AKAP19: variants seen among roughly 807,000 people sequenced by gnomAD.
The protein encoded by AKAP19 is A-kinase anchoring protein 19, also known as small A-kinase anchoring protein.
At chr2:190,058,122 G>C in the AKAP19 span, among the ~76,000 whole-genome samples, 1 of 152,006 alleles carries the variant, frequency 6.6e-6, no homozygotes, top group Admixed American at 6.6e-5. Flanking sequence ...GGAAAACTTG[G>C]ACAATAAAAC....
chr2:190,016,583 A>G, the AKAP19 span, among the ~76,000 whole-genome samples: 1 of 152,212 alleles, frequency 6.6e-6, no homozygotes, highest in South Asian at 2.1e-4. Flanking sequence ...TAATTCCTAC[A>G]TATCTGTGAA....
chr2:190,171,561 C>CCTTG, the AKAP19 span, among the ~76,000 whole-genome samples: 1 of 152,164 alleles, frequency 6.6e-6, no homozygotes, highest in African/African-American at 2.4e-5. Flanking sequence ...AATAACCTTA[C>CCTTG]CTTGCTTTAC....
At chr2:189,885,389 A>C in the AKAP19 span, among the ~76,000 whole-genome samples, 1 of 152,210 alleles carries the variant, frequency 6.6e-6, no homozygotes, top group Non-Finnish European at 1.5e-5. Context: ...TGTGTGGAGA[A>C]AGAGATATTT....
At chr2:189,894,060 T>G in the AKAP19 span, among the ~76,000 whole-genome samples, 1 of 152,182 alleles carries the variant, frequency 6.6e-6, no homozygotes, top group Non-Finnish European at 1.5e-5. Flanking sequence ...AGGGTCTGGC[T>G]TCAATAAAAA....
the AKAP19 span, among the ~76,000 whole-genome samples, chr2:189,966,831 T>C: frequency 6.6e-6 from 1 of 152,182 alleles, no homozygotes; most frequent in Non-Finnish European, 1.5e-5. Flanking sequence ...TATGTGAATC[T>C]ATAATTATCT....
At chr2:190,119,475 G>C in the AKAP19 span, among the ~76,000 whole-genome samples, 1 of 152,332 alleles carries the variant, frequency 6.6e-6, no homozygotes, top group Non-Finnish European at 1.5e-5. Flanking sequence ...GGCACTATGA[G>C]TTCTGCACAC....
At chr2:190,009,649 A>G in the AKAP19 span, among the ~76,000 whole-genome samples, 1 of 152,192 alleles carries the variant, frequency 6.6e-6, no homozygotes, top group Admixed American at 6.5e-5. Flanking sequence ...AGACATTTGG[A>G]TAATCAAGTC....
At chr2:190,130,630 A>G in the AKAP19 span, among the ~76,000 whole-genome samples, 1 of 152,196 alleles carries the variant, frequency 6.6e-6, no homozygotes, top group Admixed American at 6.5e-5. Context: ...ATGTACAGAG[A>G]GATTAAAATA....
At chr2:189,903,090 C>T in the AKAP19 span, among the ~76,000 whole-genome samples, 3 of 151,398 alleles carry the variant, frequency 2.0e-5, no homozygotes, top group Non-Finnish European at 3.0e-5. Flanking sequence ...TGAAAGCCAT[C>T]GAGAAATTAT....
the AKAP19 span, among the ~76,000 whole-genome samples, chr2:190,069,661 G>C: frequency 2.6e-5 from 4 of 152,118 alleles, no homozygotes; most frequent in Admixed American, 6.5e-5. Flanking sequence ...GGCTTTCAGA[G>C]AGTCATTCCA....
the AKAP19 span, among the ~76,000 whole-genome samples, chr2:190,131,436 C>T: frequency 6.6e-6 from 1 of 152,160 alleles, no homozygotes; most frequent in African/African-American, 2.4e-5. Context: ...GTGGAGGTTC[C>T]TGGAGGTTGA....
chr2:190,100,743 A>C, the AKAP19 span, among the ~76,000 whole-genome samples: 6 of 152,354 alleles, frequency 3.9e-5, no homozygotes, highest in East Asian at 1.2e-3. Flanking sequence ...AGCCACTTGG[A>C]AACAGCAAGA....
At chr2:189,913,866 T>A in the AKAP19 span, among the ~76,000 whole-genome samples, 1 of 152,090 alleles carries the variant, frequency 6.6e-6, no homozygotes, top group Non-Finnish European at 1.5e-5. Flanking sequence ...TCATGGAGAA[T>A]GAAGCATATC....
chr2:189,949,407 G>A, the AKAP19 span, among the ~76,000 whole-genome samples: 4 of 151,810 alleles, frequency 2.6e-5, no homozygotes, highest in Non-Finnish European at 5.9e-5. Flanking sequence ...CACAGTGGCG[G>A]GCACCTGTAA....
At chr2:190,108,772 G>A in the AKAP19 span, among the ~76,000 whole-genome samples, 3 of 142,226 alleles carry the variant, frequency 2.1e-5, no homozygotes, top group Admixed American at 1.5e-4. Flanking sequence ...AGGCTATTTT[G>A]CCTGTTTGCG....
chr2:190,072,388 C>T, the AKAP19 span, among the ~76,000 whole-genome samples: 1 of 152,062 alleles, frequency 6.6e-6, no homozygotes, highest in Non-Finnish European at 1.5e-5. Flanking sequence ...GGTAACAAAC[C>T]TGCACCCCCG....
the AKAP19 span, among the ~76,000 whole-genome samples, chr2:190,145,644 G>C: frequency 6.6e-6 from 1 of 151,968 alleles, no homozygotes; most frequent in Non-Finnish European, 1.5e-5. Context: ...TGTGGTACAG[G>C]TTTGTAGCCT....
chr2:189,947,489 A>G, the AKAP19 span, among the ~76,000 whole-genome samples: 10 of 152,128 alleles, frequency 6.6e-5, no homozygotes, highest in Non-Finnish European at 1.3e-4. Flanking sequence ...ATTTAATGAA[A>G]AGGCAATAAT....
chr2:190,191,051 C>CTT, the AKAP19 span, among the ~76,000 whole-genome samples: 1 of 152,146 alleles, frequency 6.6e-6, no homozygotes, highest in Non-Finnish European at 1.5e-5. Context: ...ATCAGCATGC[C>CTT]TTTGAGTCAT....
Sources: allele counts gnomAD v4.1 joint callset (sites outside exome capture counted in the v4.1 genomes callset), GRCh38; gene constraint gnomAD v4.1.1; transcripts MANE v1.5; gene names NCBI Gene and HGNC (gene_info 2026-07-23, HGNC 2026-07-21).